Variants in DMD observed in about 807,000 individuals in gnomAD.
The protein encoded by DMD is mutant dystrophin.
DMD carries 63 observed loss-of-function variants against 330.1 expected under a neutral mutation model. The observed-to-expected ratio is 0.19, with a 90% CI of 0.16 to 0.24. The LOEUF is 0.24. Ranked by LOEUF, DMD falls within the 10% of genes least tolerant of loss-of-function variation. The pLI is 1.00. For synonymous variants in DMD, 1,223 were observed against 959.8 expected, an observed-to-expected ratio of 1.27 and a Z score of -5.07; for missense variants, 3,344 against 2,684.1, an observed-to-expected ratio of 1.25 and a Z score of -5.43.
intron 41 of DMD, among the ~76,000 whole-genome samples, chrX:32,326,829 C>A (rs757640389): frequency 2.5e-3 from 269 of 109,123 alleles, no homozygotes; most frequent in Non-Finnish European, 4.1e-3. Flanking sequence ...ATCACTTGAA[C>A]CTGGGAGACA....
chrX:31,354,201 C>G (rs1371877204), intron 60 of DMD, among the ~76,000 whole-genome samples: 2 of 111,988 alleles, frequency 1.8e-5, no homozygotes, highest in Non-Finnish European at 3.8e-5. Flanking sequence ...GCTAAATCCT[C>G]AGTGAGTAGC....
At chrX:31,319,401 G>A (rs779843964) in intron 62 of DMD, among the ~76,000 whole-genome samples, 2 of 111,946 alleles carry the variant, frequency 1.8e-5, no homozygotes, top group Non-Finnish European at 3.8e-5. Flanking sequence ...TTTAATTAAG[G>A]CCATTCCTTG....
intron 47 of DMD, among the ~76,000 whole-genome samples, chrX:31,895,629 A>G (rs995968074): frequency 6.3e-5 from 7 of 111,859 alleles, no homozygotes; most frequent in African/African-American, 2.3e-4. Flanking sequence ...GAGTTTATAC[A>G]AAGTTGACTT....
At chrX:32,447,514 T>C (rs755407545) in intron 27 of DMD, among the ~76,000 whole-genome samples, 1 of 111,760 alleles carries the variant, frequency 8.9e-6, no homozygotes, top group Non-Finnish European at 1.9e-5. Flanking sequence ...TAGCTACAAA[T>C]ACATTTTAAA....
At chrX:32,252,837 T>C (rs1440067827) in intron 43 of DMD, among the ~76,000 whole-genome samples, 16 of 62,145 alleles carry the variant, frequency 2.6e-4, no homozygotes, top group African/African-American at 8.1e-4. Flanking sequence ...TATATAAATA[T>C]ATATAAATAT....
At chrX:33,331,436 C>A (rs749181153) in intron 1 of DMD, among the ~76,000 whole-genome samples, 12 of 111,897 alleles carry the variant, frequency 1.1e-4, no homozygotes, top group Non-Finnish European at 2.1e-4. Context: ...CTACTTATAG[C>A]ATGTATAAAA....
At chrX:31,273,887 A>G (rs990889144) in intron 62 of DMD, among the ~76,000 whole-genome samples, 1 of 111,912 alleles carries the variant, frequency 8.9e-6, no homozygotes, top group African/African-American at 3.2e-5. Flanking sequence ...ACTCATCTAT[A>G]GAATGTGGAT....
chrX:32,394,921 A>AAAAAAAAAAAAAAAAAAAAAAAAAAC (rs1557326840), intron 30 of DMD, among the ~76,000 whole-genome samples: 2 of 63,748 alleles, frequency 3.1e-5, no homozygotes, highest in East Asian at 6.6e-4. Flanking sequence ...AAAAACAAAA[A>AAAAAAAAAAAAAAAAAAAAAAAAAAC]AAAAAAAAAA....
At position 32,630,674 on chromosome X, in the gene DMD, C is replaced by A. The variant is rs187736736; in HGVS notation, c.1331+13458G>T. Among the ~76,000 whole-genome samples, 7 of 111,506 alleles carry A rather than the reference C, an allele frequency of 6.3e-5. No homozygotes were observed. In the East Asian group the frequency reaches 1.7e-3, roughly 27 times the overall value. ...TCAACTCCAGAATTTTTGTTCGATT[C>A]TTTTTATTTCAATCCCTTTGTTAAA... On this transcript the variant is annotated intron_variant, in intron 11 of 78. Transcript: ENST00000357033.
intron 44 of DMD, among the ~76,000 whole-genome samples, chrX:31,990,506 A>G (rs1416867113): frequency 1.8e-5 from 2 of 112,311 alleles, no homozygotes; most frequent in African/African-American, 6.5e-5. Context: ...TTATAGTATG[A>G]TTATACCTGT....
In DMD at chrX:32,362,798, T is replaced by A. The variant is rs746374413; in HGVS notation, c.5315A>T (p.Lys1772Met). 8.3e-7 allele frequency: 1 copy of A among 1,211,195 alleles called. No individual in the cohort carries two copies. The highest frequency in any genetic ancestry group is 3.0e-5 in the East Asian group (1 of 33,817). ...AGTAGATCTTCCTACCTTTCCAGTC[T>A]TAATTCTGTGTGAAATGGCTGCAAA... is the stretch of plus-strand genomic sequence containing the variant. The part of the protein sequence containing the change: ...HRFAAISHRI[K>M]TGKASIPLKE... The change falls in exon 37 of 79, where the codon AAG (lysine) becomes ATG (methionine). Residue 1772 changes from lysine to methionine, a missense_variant. Physicochemically the swap from Lys to Met is moderately conservative, Grantham distance 95. Transcript: ENST00000357033.
At chrX:32,850,985 T>C (rs2149024586) in intron 2 of DMD, among the ~76,000 whole-genome samples, 1 of 111,693 alleles carries the variant, frequency 9.0e-6, no homozygotes. Context: ...CTAAAGAACA[T>C]GTAACAGTGG....
chrX:32,775,908 T>C (rs1398563911), intron 7 of DMD, among the ~76,000 whole-genome samples: 1 of 112,746 alleles, frequency 8.9e-6, no homozygotes, highest in African/African-American at 3.2e-5. Context: ...ACTTTTATGC[T>C]CTGCTTTCCT....
chrX:32,425,415 C>T (rs955290587), intron 29 of DMD, among the ~76,000 whole-genome samples: 1 of 111,265 alleles, frequency 9.0e-6, no homozygotes, highest in Non-Finnish European at 1.9e-5. Context: ...TGTATCCTAT[C>T]TTGTAAGACT....
intron 44 of DMD, among the ~76,000 whole-genome samples, chrX:32,073,353 G>T (rs1360654451): frequency 8.9e-6 from 1 of 111,797 alleles, no homozygotes; most frequent in Non-Finnish European, 1.9e-5. Flanking sequence ...GTTCGAAGAT[G>T]CCTTGAGAAA....
In DMD at chrX:32,438,346, C is replaced by T; in HGVS notation, c.3966G>A (p.Gln1322=). 1 of 1,211,595 alleles carries T rather than the reference C, an allele frequency of 8.3e-7. No homozygotes were observed. Among genetic ancestry groups the T allele is most frequent in the Non-Finnish European group, 1.1e-6 (1 of 895,370 alleles). Residue 1322 remains glutamine, a synonymous_variant, in exon 29 of 79, where the codon CAG becomes CAA. Coordinates refer to ENST00000357033, the MANE Select transcript of DMD (RefSeq NM_004006.3). ...LMRHSEDNPN[Q]IRILAQTLTD... Reference sequence around the variant, plus strand: ...TTAGGGTCTGTGCCAATATGCGAATCTGATTTGGGTTATCCTCTGAATGTC... The same window carrying T: ...TTAGGGTCTGTGCCAATATGCGAATTTGATTTGGGTTATCCTCTGAATGTC...
intron 56 of DMD, among the ~76,000 whole-genome samples, chrX:31,499,747 C>T (rs139591636): frequency 0.023 from 2,528 of 111,545 alleles, 53 homozygotes; most frequent in East Asian, 0.088. Flanking sequence ...CCTGCCTCAG[C>T]CTCCCAAAGT....
Position 32,438,385 on chromosome X carries a change from A to G in DMD, c.3927T>C (p.Leu1309=). The change falls in exon 29 of 79, where the codon CTT becomes CTC. Residue 1309 remains leucine (L), a synonymous_variant. Coordinates refer to ENST00000357033, the MANE Select transcript of DMD (RefSeq NM_004006.3). ...AEEISEVLDS[L]ENLMRHSEDN... ...CCTCTGAATGTCGCATCAAATTTTC[A>G]AGTGACTGAAACACATTTGCAATAA... 8.3e-7 allele frequency: 1 copy of G among 1,210,889 alleles called. No homozygotes were observed. Among genetic ancestry groups the G allele is most frequent in the Non-Finnish European group, 1.1e-6 (1 of 894,953 alleles).
At chrX:31,324,482 G>GT (rs35543536) in intron 61 of DMD, among the ~76,000 whole-genome samples, 17,765 of 107,409 alleles carry the variant, frequency 0.17, 1,640 homozygotes, top group African/African-American at 0.33. Context: ...TGATCTGATG[G>GT]TTTTTTTTCT....
Sources: gnomAD v4.1 joint callset for allele counts (sites outside exome capture counted in the v4.1 genomes callset) on GRCh38, gnomAD v4.1.1 for gene constraint, MANE v1.5 for transcripts, NCBI Gene and HGNC (gene_info 2026-07-23, HGNC 2026-07-21) for gene names.